Variants in PTPRD observed in about 807,000 individuals in gnomAD.
PTPRD encodes receptor-type tyrosine-protein phosphatase delta.
A neutral mutation model predicts 214.5 loss-of-function variants in PTPRD; 34 were observed. The observed-to-expected ratio is 0.16, with a 90% CI of 0.12 to 0.21. The LOEUF (loss-of-function observed/expected upper bound fraction) is 0.21. PTPRD is among the 10% of genes least tolerant of loss of function. The pLI is 1.00. For missense variants in PTPRD, 2,545 were observed against 2,398.7 expected (o/e 1.06, Z -1.27); for synonymous variants, 1,128 against 845.7 (o/e 1.33, Z -5.79).
At chr9:9,885,436 T>C (rs1026800951) in intron 5 of PTPRD, among the ~76,000 whole-genome samples, 5 of 152,118 alleles carry the variant, frequency 3.3e-5, no homozygotes, top group Non-Finnish European at 7.4e-5. Context: ...CTTCATTATA[T>C]GATAAGGCTT....
rs551165664 is a variant in PTPRD at position 9,900,487 on chromosome 9, T to G, written c.-368+38020A>C. ...TATCTGAGTCTTCATCAGCCTTACC[T>G]TCACTGTCCATATTTCTATCAGCAT... On this transcript the variant is annotated intron_variant, in intron 5 of 45. Transcript: ENST00000381196. 1.6e-4 allele frequency among the ~76,000 whole-genome samples: 24 copies of G among 152,272 alleles called. No individual in the cohort carries two copies. The South Asian group carries it at 5.0e-3, about 32-fold the overall frequency.
intron 14 of PTPRD, among the ~76,000 whole-genome samples, chr9:8,601,741 G>C (rs2094881445): frequency 6.6e-6 from 1 of 152,226 alleles, no homozygotes; most frequent in Non-Finnish European, 1.5e-5. Context: ...TGTTGTCACA[G>C]AGTAAATTCT....
intron 9 of PTPRD, among the ~76,000 whole-genome samples, chr9:9,384,151 TACAA>T (rs1569567874): frequency 2.0e-5 from 3 of 151,866 alleles, no homozygotes; most frequent in Non-Finnish European, 2.9e-5. Flanking sequence ...ATTTATATTT[TACAA>T]ACAAACATAT....
chr9:9,473,330 G>A (rs1469306399), intron 8 of PTPRD, among the ~76,000 whole-genome samples: 1 of 152,088 alleles, frequency 6.6e-6, no homozygotes, highest in Non-Finnish European at 1.5e-5. Flanking sequence ...ATGTCTAAAT[G>A]GTATTCCATT....
At chr9:10,012,575 G>A (rs912069222) in intron 4 of PTPRD, among the ~76,000 whole-genome samples, 1 of 151,884 alleles carries the variant, frequency 6.6e-6, no homozygotes, top group African/African-American at 2.4e-5. Context: ...TAAGAGAGAA[G>A]TCTAGTAGAC....
chr9:9,734,152 T>C (rs993265591), intron 7 of PTPRD, among the ~76,000 whole-genome samples: 1 of 152,194 alleles, frequency 6.6e-6, no homozygotes, highest in African/African-American at 2.4e-5. Flanking sequence ...TGTCAGCTCA[T>C]CTTTGGTTTT....
chr9:9,006,401 G>C (rs1479736656), intron 11 of PTPRD, among the ~76,000 whole-genome samples: 1 of 151,974 alleles, frequency 6.6e-6, no homozygotes, highest in Non-Finnish European at 1.5e-5. Flanking sequence ...TTTATGTTAA[G>C]GAATAGACAA....
At chr9:10,169,473 CAAAA>C (rs59335943) in intron 3 of PTPRD, among the ~76,000 whole-genome samples, 2 of 66,876 alleles carry the variant, frequency 3.0e-5, no homozygotes, top group African/African-American at 1.4e-4. Context: ...GACTCTGTCT[CAAAA>C]AAAAAAAAAA....
intron 14 of PTPRD, among the ~76,000 whole-genome samples, chr9:8,583,999 C>G (rs1006611621): frequency 6.6e-6 from 1 of 151,920 alleles, no homozygotes; most frequent in African/African-American, 2.4e-5. Context: ...AAAAAATATA[C>G]AAATTAGCCA....
chr9:8,654,442 C>T lies in PTPRD; in HGVS notation c.65-17598G>A, dbSNP rs72700321. On this transcript the variant is annotated intron_variant, in intron 12 of 45. Transcript: ENST00000381196. ...CTTCCACTAAAGTTTATGGAGTAAA[C>T]GACGAGTTCATAAGATTTAAGCATA... Among the ~76,000 whole-genome samples, 569 of 152,142 alleles carry T rather than the reference C, an allele frequency of 3.7e-3. 6 individuals carry two copies. Among genetic ancestry groups the T allele is most frequent in the East Asian group, 0.023 (117 of 5,170 alleles).
intron 5 of PTPRD, among the ~76,000 whole-genome samples, chr9:9,837,922 C>G (rs555229096): frequency 3.3e-5 from 5 of 152,172 alleles, no homozygotes; most frequent in Non-Finnish European, 7.3e-5. Context: ...TCCCCACTCC[C>G]CCAACCCCAC....
At chr9:8,455,774 A>T (rs192156374) in intron 33 of PTPRD, among the ~76,000 whole-genome samples, 37 of 152,324 alleles carry the variant, frequency 2.4e-4, no homozygotes, top group Admixed American at 5.9e-4. Flanking sequence ...CAATTTGCTC[A>T]CTTTTTAAAA....
chr9:8,424,979 T>C (rs4742501), intron 35 of PTPRD, among the ~76,000 whole-genome samples: 3 of 152,134 alleles, frequency 2.0e-5, no homozygotes, highest in Admixed American at 6.5e-5. Context: ...TGCAAATTCA[T>C]GTAATCTCTT....
chr9:8,569,821 G>A (rs2090559249), intron 14 of PTPRD, among the ~76,000 whole-genome samples: 1 of 152,040 alleles, frequency 6.6e-6, no homozygotes, highest in African/African-American at 2.4e-5. Flanking sequence ...TTAGAAACTT[G>A]TAAAACTTCC....
intron 9 of PTPRD, among the ~76,000 whole-genome samples, chr9:9,346,441 A>C (rs2048828551): frequency 6.6e-6 from 1 of 152,180 alleles, no homozygotes; most frequent in Non-Finnish European, 1.5e-5. Context: ...AATAATTACA[A>C]AACCACTAAT....
At chr9:10,527,324 CAA>C (rs2134466622) in intron 2 of PTPRD, among the ~76,000 whole-genome samples, 1 of 152,232 alleles carries the variant, frequency 6.6e-6, no homozygotes, top group South Asian at 2.1e-4. Flanking sequence ...CAGCCCGTCT[CAA>C]ACAAATGAGA....
intron 11 of PTPRD, among the ~76,000 whole-genome samples, chr9:8,988,290 G>A (rs1027814116): frequency 2.6e-5 from 4 of 152,008 alleles, no homozygotes; most frequent in African/African-American, 7.2e-5. Context: ...TTAACTTACC[G>A]TTGGCCATGC....
intron 11 of PTPRD, among the ~76,000 whole-genome samples, chr9:8,750,990 C>T (rs143812853): frequency 2.0e-4 from 31 of 152,306 alleles, no homozygotes; most frequent in Middle Eastern, 3.4e-3. Flanking sequence ...AATCCATTTA[C>T]TTGGACATAG....
At chr9:10,284,029 AAG>A (rs535329018) in intron 3 of PTPRD, among the ~76,000 whole-genome samples, 194 of 152,258 alleles carry the variant, frequency 1.3e-3, no homozygotes, top group African/African-American at 4.5e-3. Context: ...TTAATTGAAA[AAG>A]AAATAATTTA....
Sources: gnomAD v4.1 joint callset for allele counts (sites outside exome capture counted in the v4.1 genomes callset) on GRCh38, gnomAD v4.1.1 for gene constraint, MANE v1.5 for transcripts, NCBI Gene and HGNC (gene_info 2026-07-23, HGNC 2026-07-21) for gene names.